Variants in CHD1L observed in about 807,000 individuals in gnomAD.
CHD1L encodes the protein chromodomain helicase DNA binding protein 1 like.
Under a neutral mutation model 115.9 loss-of-function variants are expected in CHD1L, and 118 were observed. The observed-to-expected ratio is 1.02, with a 90% confidence interval of 0.88 to 1.19. CHD1L has a LOEUF of 1.19. Ranked by LOEUF, CHD1L falls within the 50% of genes most tolerant of loss-of-function variation. The pLI is 0.00. For missense variants in CHD1L, 1,179 were observed against 1,065.3 expected, an observed-to-expected ratio of 1.11 and a Z score of -1.49; for synonymous variants, 411 against 387.1, an observed-to-expected ratio of 1.06 and a Z score of -0.72.
the CHD1L span, among the ~76,000 whole-genome samples, chr1:147,193,350 G>T: frequency 6.6e-6 from 1 of 152,040 alleles, no homozygotes; most frequent in Non-Finnish European, 1.5e-5. Flanking sequence ...GGGATCGGTG[G>T]TGATATCCCC....
intron 17 of CHD1L, 115 bp from the exon 18 acceptor site, chr1:147,286,183 T>C: frequency 3.0e-6 from 3 of 1,011,134 alleles, no homozygotes; most frequent in Non-Finnish European, 4.3e-6. Flanking sequence ...TCAGGGTGAG[T>C]TTCTAATTGC....
intron 18 of CHD1L, among the ~76,000 whole-genome samples, chr1:147,287,343 C>T (rs138548159): frequency 3.9e-5 from 6 of 152,280 alleles, no homozygotes; most frequent in African/African-American, 9.6e-5. Context: ...ATCTACTCTC[C>T]GTCCTTCCGC....
chr1:147,178,758 G>A, the CHD1L span: 2 of 1,597,722 alleles, frequency 1.3e-6, no homozygotes, highest in Admixed American at 1.7e-5. Context: ...CTAACAAGTT[G>A]GAGGACAAGA....
chr1:147,291,599 A>AAGAGAAGTTGATGTG, intron 20 of CHD1L, 47 bp downstream of exon 20: 1 of 1,501,922 alleles, frequency 6.7e-7, no homozygotes, highest in Non-Finnish European at 9.3e-7. Flanking sequence ...GACTCACATC[A>AAGAGAAGTTGATGTG]ACTTCTCTTG....
chr1:147,228,072 A>G, the CHD1L span, among the ~76,000 whole-genome samples: 2 of 151,368 alleles, frequency 1.3e-5, no homozygotes, highest in Non-Finnish European at 2.9e-5. Context: ...GGTTAGTTAC[A>G]TATGCATACA....
chr1:147,294,444 A>G lies in CHD1L; in HGVS notation c.2542A>G (p.Lys848Glu), dbSNP rs148225662. 16 of 1,612,864 alleles carry G rather than the reference A, an allele frequency of 9.9e-6. No individual in the cohort carries two copies. Among genetic ancestry groups the G allele is most frequent in the South Asian group, 2.2e-5 (2 of 90,858 alleles). Residue 848 changes from lysine (K) to glutamate (E), a missense_variant, in exon 22 of 23, where the codon AAA becomes GAA. Coordinates refer to ENST00000369258, the MANE Select transcript of CHD1L (RefSeq NM_004284.6). Reference protein sequence around the residue: ...VHLPRIGHATKGFNWYGTERL... With the variant: ...VHLPRIGHATEGFNWYGTERL... ...TCTTCCACGTATTGGACATGCCACG[A>G]AAGGTTTTAACTGGTATGGTACTGA...
the CHD1L span, among the ~76,000 whole-genome samples, chr1:147,202,164 G>A: frequency 3.3e-5 from 5 of 151,710 alleles, no homozygotes; most frequent in African/African-American, 9.7e-5. Context: ...GGTATACTTC[G>A]GGCTTGTTAT....
At chr1:147,256,664 T>TAAG in intron 5 of CHD1L, 102 bp downstream of exon 5, 1 of 1,131,950 alleles carries the variant, frequency 8.8e-7, no homozygotes, top group Non-Finnish European at 1.3e-6. Flanking sequence ...ATGTCTGGTA[T>TAAG]GTCTTCCATG....
chr1:147,179,686 T>C, the CHD1L span: 1 of 920,168 alleles, frequency 1.1e-6, no homozygotes, highest in Non-Finnish European at 1.8e-6. Context: ...GGAAAACCAC[T>C]GGGGAGGACT....
At chr1:147,263,324 G>T (rs1261865989) in intron 6 of CHD1L, among the ~76,000 whole-genome samples, 1 of 151,504 alleles carries the variant, frequency 6.6e-6, no homozygotes, top group Non-Finnish European at 1.5e-5. Flanking sequence ...CAGCTACTGG[G>T]GAGGCTGAAG....
chr1:147,287,115 T>A (rs1683478770), intron 18 of CHD1L, among the ~76,000 whole-genome samples: 1 of 152,216 alleles, frequency 6.6e-6, no homozygotes, highest in African/African-American at 2.4e-5. Context: ...TTTTTTCTTG[T>A]TCGCTGCTGT....
chr1:147,231,122 C>T, the CHD1L span, among the ~76,000 whole-genome samples: 1,868 of 152,088 alleles, frequency 0.012, 31 homozygotes, highest in African/African-American at 0.042. Flanking sequence ...TAGATCTTTC[C>T]TGCTTTCTCT....
the CHD1L span, among the ~76,000 whole-genome samples, chr1:147,235,949 G>C: frequency 6.6e-6 from 1 of 152,172 alleles, no homozygotes; most frequent in Non-Finnish European, 1.5e-5. Flanking sequence ...CATTCAGCCT[G>C]GCAGGCTGCA....
rs1053874576 is a variant in CHD1L, at chr1:147,281,742, T to A, written c.1705+1551T>A. Among the ~76,000 whole-genome samples, 5 of 152,138 alleles carry A rather than the reference T, an allele frequency of 3.3e-5. No homozygotes were observed. In the South Asian group the frequency reaches 8.3e-4, roughly 25 times the overall value. On this transcript the variant is annotated intron_variant, in intron 15 of 22. Transcript: ENST00000369258. Reference sequence around the variant, plus strand: ...TTCCAGGGAGAATATTACATCTTTTTAAAAAGTATTTCTCTTCCCATTGCA... The same window carrying A: ...TTCCAGGGAGAATATTACATCTTTTAAAAAAGTATTTCTCTTCCCATTGCA...
At chr1:147,227,395 A>G in the CHD1L span, among the ~76,000 whole-genome samples, 1 of 152,252 alleles carries the variant, frequency 6.6e-6, no homozygotes, top group Non-Finnish European at 1.5e-5. Flanking sequence ...CAAATAATGC[A>G]AGAATTACTT....
At chr1:147,213,588 T>C in the CHD1L span, 93 of 790,288 alleles carry the variant, frequency 1.2e-4, no homozygotes, top group Non-Finnish European at 1.1e-4. Flanking sequence ...GCAGGGATAT[T>C]TGATTTTCAT....
At chr1:147,257,105 G>C (rs1160859883) in intron 5 of CHD1L, among the ~76,000 whole-genome samples, 1 of 152,086 alleles carries the variant, frequency 6.6e-6, no homozygotes, top group Non-Finnish European at 1.5e-5. Context: ...CCTAATAATG[G>C]GAATGATAGG....
upstream of CHD1L, among the ~76,000 whole-genome samples, chr1:147,242,309 CGGAACA>C (rs1664987304): frequency 6.6e-6 from 1 of 152,166 alleles, no homozygotes; most frequent in Admixed American, 6.5e-5. Context: ...CTGGAGGGCA[CGGAACA>C]AGTCTTACTT....
the CHD1L span, among the ~76,000 whole-genome samples, chr1:147,218,802 A>G: frequency 1.3e-5 from 2 of 152,162 alleles, no homozygotes; most frequent in Non-Finnish European, 2.9e-5. Flanking sequence ...ACCTTCGTAA[A>G]TATTACTATT....
Sources: gnomAD v4.1 joint callset for allele counts (sites outside exome capture counted in the v4.1 genomes callset) on GRCh38, gnomAD v4.1.1 for gene constraint, MANE v1.5 for transcripts, NCBI Gene and HGNC (gene_info 2026-07-23, HGNC 2026-07-21) for gene names.